The following SKIC2 variants were observed in gnomAD, a reference collection of about 807,000 sequenced individuals.
SKIC2 encodes the protein SKI2 subunit of superkiller complex.
the SKIC2 span, chr6:31,960,467 C>T: frequency 1.2e-6 from 2 of 1,614,108 alleles, no homozygotes; most frequent in East Asian, 2.2e-5. Context: ...CGGCTACAAC[C>T]TCCTTGTCTC....
the SKIC2 span, chr6:31,960,663 C>T: frequency 1.3e-6 from 2 of 1,589,666 alleles, no homozygotes; most frequent in Non-Finnish European, 8.6e-7. Flanking sequence ...TGTCTCTTCC[C>T]AGGGGGGATG....
the SKIC2 span, chr6:31,959,332 C>T: frequency 3.1e-6 from 5 of 1,613,970 alleles, no homozygotes; most frequent in East Asian, 4.5e-5. Flanking sequence ...CCTACCCCTT[C>T]GGGCCGTGGA....
At chr6:31,967,320 A>G in the SKIC2 span, 1 of 1,613,026 alleles carries the variant, frequency 6.2e-7, no homozygotes, top group Non-Finnish European at 8.5e-7. This position sits in a 1 kb window ranked among gnomAD's most constrained non-coding sequence, Gnocchi z 4.9. Context: ...TCTCAGCAGG[A>G]AGGGTGGTGG....
the SKIC2 span, chr6:31,966,861 G>A: frequency 6.2e-7 from 1 of 1,614,144 alleles, no homozygotes; most frequent in South Asian, 1.1e-5. The surrounding 1 kb of genome is among the most constrained non-coding windows in gnomAD (Gnocchi z 5.9). Flanking sequence ...GGAGCCTGGG[G>A]TAACCAGTGT....
chr6:31,960,835 A>G, the SKIC2 span: 12 of 1,036,170 alleles, frequency 1.2e-5, no homozygotes, highest in African/African-American at 1.6e-5. Flanking sequence ...GAAAATTAGA[A>G]AAAGATATTC....
chr6:31,962,808 A>T, the SKIC2 span: 1 of 1,599,268 alleles, frequency 6.3e-7, no homozygotes, highest in Non-Finnish European at 8.6e-7. The surrounding 1 kb of genome is among the most constrained non-coding windows in gnomAD (Gnocchi z 5.0). Flanking sequence ...GGTAAGGGCC[A>T]TGGGCTCCCC....
chr6:31,965,102 A>AG, the SKIC2 span, among the ~76,000 whole-genome samples: 1 of 152,240 alleles, frequency 6.6e-6, no homozygotes, highest in Non-Finnish European at 1.5e-5. The surrounding 1 kb of genome is among the most constrained non-coding windows in gnomAD (Gnocchi z 5.6). Context: ...TGGGCAACAG[A>AG]GGGAGACTCC....
chr6:31,968,109 C>T, the SKIC2 span: 4 of 1,612,000 alleles, frequency 2.5e-6, no homozygotes, highest in Non-Finnish European at 3.4e-6. The surrounding 1 kb of genome is among the most constrained non-coding windows in gnomAD (Gnocchi z 6.1). Context: ...AGGCCCTTCT[C>T]CTCCAGAGGG....
chr6:31,967,105 G>T, the SKIC2 span: 41 of 1,612,518 alleles, frequency 2.5e-5, no homozygotes, highest in Non-Finnish European at 2.8e-5. This position sits in a 1 kb window ranked among gnomAD's most constrained non-coding sequence, Gnocchi z 4.9. Flanking sequence ...ATTACAGCTG[G>T]GGGGAGGAAC....
chr6:31,965,702 AAAGT>A, the SKIC2 span: 3 of 807,540 alleles, frequency 3.7e-6, no homozygotes, highest in Non-Finnish European at 6.4e-6. The surrounding 1 kb of genome is among the most constrained non-coding windows in gnomAD (Gnocchi z 5.6). Flanking sequence ...TTATGCCTAC[AAAGT>A]AAGGTGGGCT....
At chr6:31,960,693 A>G in the SKIC2 span, 3 of 1,586,954 alleles carry the variant, frequency 1.9e-6, no homozygotes, top group South Asian at 2.3e-5. Context: ...ACCATAACAG[A>G]TCTGAACACA....
chr6:31,967,703 G>A, the SKIC2 span: 1 of 1,612,430 alleles, frequency 6.2e-7, no homozygotes, highest in Non-Finnish European at 8.5e-7. The surrounding 1 kb of genome is among the most constrained non-coding windows in gnomAD (Gnocchi z 4.9). Flanking sequence ...TGGCCTCTCT[G>A]ACCACCCCCA....
At chr6:31,968,680 C>A in the SKIC2 span, 1 of 1,610,014 alleles carries the variant, frequency 6.2e-7, no homozygotes, top group Non-Finnish European at 8.5e-7. The surrounding 1 kb of genome is among the most constrained non-coding windows in gnomAD (Gnocchi z 6.1). Context: ...GGGTGGCTCT[C>A]TGCAGTACCT....
the SKIC2 span, chr6:31,961,401 G>A: frequency 6.5e-7 from 1 of 1,537,458 alleles, no homozygotes; most frequent in Non-Finnish European, 8.7e-7. Flanking sequence ...GTGGTTCTGT[G>A]TAGTGGAGGC....
the SKIC2 span, chr6:31,967,585 G>T: frequency 1.9e-6 from 2 of 1,036,832 alleles, no homozygotes; most frequent in Non-Finnish European, 1.4e-6. The surrounding 1 kb of genome is among the most constrained non-coding windows in gnomAD (Gnocchi z 4.9). Context: ...CGCTTGACTT[G>T]GTTGCCCCTC....
At chr6:31,966,351 C>T in the SKIC2 span, among the ~76,000 whole-genome samples, 1 of 151,784 alleles carries the variant, frequency 6.6e-6, no homozygotes, top group Non-Finnish European at 1.5e-5. This position sits in a 1 kb window ranked among gnomAD's most constrained non-coding sequence, Gnocchi z 5.9. Context: ...AGCAGTCTGT[C>T]TGCCTCAGCT....
chr6:31,968,214 G>A, the SKIC2 span: 41 of 1,452,836 alleles, frequency 2.8e-5, no homozygotes, highest in African/African-American at 4.2e-5. This position sits in a 1 kb window ranked among gnomAD's most constrained non-coding sequence, Gnocchi z 6.1. Flanking sequence ...GGCTCCCCCA[G>A]CCTAAGGGAG....
At chr6:31,962,405 G>A in the SKIC2 span, 79 of 1,612,940 alleles carry the variant, frequency 4.9e-5, 1 homozygote, top group East Asian at 1.2e-3. The surrounding 1 kb of genome is among the most constrained non-coding windows in gnomAD (Gnocchi z 5.0). Context: ...ATGAGTCTGC[G>A]GAGGGACTGG....
At chr6:31,960,427 C>G in the SKIC2 span, 1 of 1,611,988 alleles carries the variant, frequency 6.2e-7, no homozygotes, top group African/African-American at 1.3e-5. Flanking sequence ...GATCTCTTGC[C>G]TTAGGTCTTG....
Sources: gnomAD v4.1 joint callset for allele counts (sites outside exome capture counted in the v4.1 genomes callset) on GRCh38, gnomAD v4.1.1 for gene constraint, Gnocchi (gnomAD v3.1) non-coding constraint, MANE v1.5 for transcripts, NCBI Gene and HGNC (gene_info 2026-07-23, HGNC 2026-07-21) for gene names.